The following FAM90A20 variants were observed in gnomAD, a reference collection of about 807,000 sequenced individuals.
FAM90A20 encodes protein FAM90A20.
the FAM90A20 span, chr8:7,297,874 C>A: frequency 1.3e-6 from 1 of 787,812 alleles, no homozygotes; most frequent in South Asian, 1.4e-5. Context: ...CCTCATTTCA[C>A]TCTCCTGAGA....
At chr8:7,297,639 C>A in the FAM90A20 span, 2 of 1,409,768 alleles carry the variant, frequency 1.4e-6, no homozygotes, top group East Asian at 2.3e-5. Flanking sequence ...CCACCAGCCG[C>A]AACCGAACTT....
chr8:7,296,594 C>T, the FAM90A20 span, among the ~76,000 whole-genome samples: 1 of 135,558 alleles, frequency 7.4e-6, no homozygotes, highest in Non-Finnish European at 1.5e-5. Flanking sequence ...CTGTGGCTTT[C>T]TTTCTGTCCA....
chr8:7,296,986 G>C, the FAM90A20 span: 1 of 1,260,858 alleles, frequency 7.9e-7, no homozygotes, highest in Non-Finnish European at 1.1e-6. Flanking sequence ...TGTGCACCTT[G>C]TCTTTGGATG....
At chr8:7,297,466 C>A in the FAM90A20 span, 4 of 1,547,220 alleles carry the variant, frequency 2.6e-6, 2 homozygotes, top group Non-Finnish European at 3.5e-6. Flanking sequence ...ACAGCTTGGG[C>A]CTAGGCTCCA....
At chr8:7,296,843 G>A in the FAM90A20 span, among the ~76,000 whole-genome samples, 1 of 136,528 alleles carries the variant, frequency 7.3e-6, no homozygotes. Flanking sequence ...TTGAACAATG[G>A]TGTGCTTAGA....
chr8:7,297,028 G>T, the FAM90A20 span: 6 of 1,456,552 alleles, frequency 4.1e-6, no homozygotes, highest in Admixed American at 5.9e-5. Flanking sequence ...CCATGCTGAG[G>T]AACTTCTAAC....
chr8:7,297,661 G>T, the FAM90A20 span: 167 of 1,391,250 alleles, frequency 1.2e-4, 53 homozygotes, highest in African/African-American at 3.3e-3. Flanking sequence ...GACCAAGTAG[G>T]TCGCCCCAGA....
chr8:7,297,605 G>C, the FAM90A20 span: 6 of 1,465,734 alleles, frequency 4.1e-6, 1 homozygote, highest in South Asian at 1.1e-5. Context: ...AGGTGAGCTG[G>C]GGGCCCCGGA....
the FAM90A20 span, chr8:7,296,342 C>T: frequency 4.0e-6 from 3 of 744,128 alleles, no homozygotes; most frequent in East Asian, 7.5e-5. Flanking sequence ...GGGAAACCTC[C>T]AGAGAAGCCG....
At chr8:7,295,798 C>T in the FAM90A20 span, 100 of 1,159,656 alleles carry the variant, frequency 8.6e-5, 8 homozygotes, top group East Asian at 2.3e-3. Context: ...GGCCCTTGAA[C>T]AAGGATAAGG....
chr8:7,297,363 C>A, the FAM90A20 span: 1 of 1,468,768 alleles, frequency 6.8e-7, no homozygotes, highest in Non-Finnish European at 9.3e-7. Flanking sequence ...CAGGCTGCCT[C>A]CAAAACCCAC....
the FAM90A20 span, chr8:7,297,183 C>T: frequency 2.6e-6 from 4 of 1,538,444 alleles, 1 homozygote; most frequent in Non-Finnish European, 3.5e-6. Flanking sequence ...TCACTGTCTC[C>T]CCTCAGAAAA....
chr8:7,297,714 A>T, the FAM90A20 span: 1 of 1,475,082 alleles, frequency 6.8e-7, no homozygotes, highest in East Asian at 2.2e-5. Flanking sequence ...GTTGAACGGC[A>T]GCCTCCGCAC....
chr8:7,297,294 C>T, the FAM90A20 span: 7 of 1,341,620 alleles, frequency 5.2e-6, no homozygotes, highest in South Asian at 1.2e-5. Flanking sequence ...GTCCACGAGA[C>T]TCTCCTCGTG....
At chr8:7,296,641 C>T in the FAM90A20 span, among the ~76,000 whole-genome samples, 8 of 135,100 alleles carry the variant, frequency 5.9e-5, 1 homozygote, top group Admixed American at 5.5e-4. Flanking sequence ...TTCCTAGCGG[C>T]ATGAGGAAAT....
chr8:7,296,539 G>A, the FAM90A20 span: 1 of 615,532 alleles, frequency 1.6e-6, no homozygotes, highest in Non-Finnish European at 2.9e-6. Flanking sequence ...GATCCTTGCA[G>A]GTCAGTTTGA....
the FAM90A20 span, chr8:7,295,787 G>A: frequency 8.1e-7 from 1 of 1,236,826 alleles, no homozygotes; most frequent in South Asian, 1.2e-5. Flanking sequence ...AGCCAACCCG[G>A]GGCCCTTGAA....
At chr8:7,295,820 G>T in the FAM90A20 span, 7 of 970,974 alleles carry the variant, frequency 7.2e-6, 1 homozygote, top group Middle Eastern at 3.1e-4. Context: ...AGAGAAGGAA[G>T]AGAGACCAAG....
the FAM90A20 span, chr8:7,297,375 G>T: frequency 1.1e-4 from 166 of 1,496,160 alleles, 52 homozygotes; most frequent in African/African-American, 3.1e-3. Flanking sequence ...AAAACCCACG[G>T]CCTGCTCCAG....
Sources: allele counts gnomAD v4.1 joint callset (sites outside exome capture counted in the v4.1 genomes callset), GRCh38; gene constraint gnomAD v4.1.1; transcripts MANE v1.5; gene names NCBI Gene and HGNC (gene_info 2026-07-23, HGNC 2026-07-21).